MNS1: variants seen among roughly 807,000 people sequenced by gnomAD.
The protein encoded by MNS1 is meiosis specific nuclear structural 1.
Under a neutral mutation model 72.0 loss-of-function variants are expected in MNS1, and 63 were observed. The ratio of observed to expected loss-of-function variants is 0.87; its 90% CI spans 0.71 to 1.08. MNS1 has a LOEUF of 1.08. Ranked by LOEUF, MNS1 falls within the 50% of genes least tolerant of loss-of-function variation. The pLI is 0.00. For missense variants in MNS1, 604 were observed against 562.4 expected (o/e 1.07, Z -0.75); for synonymous variants, 188 against 172.1 (o/e 1.09, Z -0.72).
In MNS1 at chr15:56,434,178, T is replaced by G; in HGVS notation, c.1229A>C (p.Lys410Thr). Residue 410 changes from lysine to threonine, a missense_variant, in exon 8 of 10, where the codon AAA (lysine) becomes ACA (threonine). By Grantham distance (78) the Lys-to-Thr change is moderately conservative. Coordinates refer to ENST00000260453, the MANE Select transcript of MNS1 (RefSeq NM_018365.4). ...KQLEHRRAVE[K>T]LIEERRQQFL... ...TTGTTGGCGACGCTCTTCAATAAGT[T>G]TTTCCACAGCCCTCCTGTGTTCCAG... 6.2e-7 allele frequency: 1 copy of G among 1,613,734 alleles called. No individual in the cohort carries two copies. The highest frequency in any genetic ancestry group is 1.1e-5 in the South Asian group (1 of 90,974).
chr15:56,438,143 G>A (rs1336271874), intron 7 of MNS1, among the ~76,000 whole-genome samples: 1 of 151,876 alleles, frequency 6.6e-6, no homozygotes, highest in African/African-American at 2.4e-5. Flanking sequence ...ACCAAAAAAG[G>A]GGCCACATTG....
intron 8 of MNS1, among the ~76,000 whole-genome samples, chr15:56,433,175 G>C (rs12910210): frequency 6.8e-6 from 1 of 147,690 alleles, no homozygotes; most frequent in Admixed American, 6.8e-5. Context: ...CTTTCCTTAG[G>C]ATGTCACCCA....
Position 56,443,762 on chromosome 15 carries a change from C to T in MNS1, c.779G>A (p.Arg260His), listed in dbSNP as rs753033368. The change falls in exon 6 of 10, where the codon CGT (arginine) becomes CAT (histidine). Residue 260 changes from arginine to histidine, a missense_variant. Arg to His is a conservative substitution (Grantham distance 29). Transcript: ENST00000260453. Reference sequence around the variant, plus strand: ...TCTGTTTTCTTCTTCCATCTCCTCACGTTTCTTTTTTCTCCAGAGAGCCTG... The same window carrying T: ...TCTGTTTTCTTCTTCCATCTCCTCATGTTTCTTTTTTCTCCAGAGAGCCTG... ...KEQALWRKKKREEMEEENRKI... is the reference protein window; with the variant it reads ...KEQALWRKKKHEEMEEENRKI... 6.8e-6 allele frequency: 11 copies of T among 1,613,096 alleles called. No individual in the cohort carries two copies. Among genetic ancestry groups the T allele is most frequent in the East Asian group, 4.5e-5 (2 of 44,848 alleles).
Position 56,443,846 on chromosome 15 carries a change from T to C in MNS1, c.695A>G (p.Gln232Arg). The C allele has an allele frequency of 6.3e-7, 1 of 1,596,950 alleles. No individual in the cohort carries two copies. The highest frequency in any genetic ancestry group is 8.5e-7 in the Non-Finnish European group (1 of 1,174,528). ...TGCATTCATTTTTTCTAACTTTTGT[T>C]GTTTTTCCCTGAAAAGCAATAACAA... ...KIYEEDQLEK[Q>R]QKLEKMNAMR... Residue 232 changes from glutamine to arginine, a missense_variant, in exon 6 of 10, where the codon CAA (glutamine) becomes CGA (arginine). Physicochemically the swap from Gln to Arg is conservative, Grantham distance 43. Transcript: ENST00000260453.
At chr15:56,431,227 G>T (rs1452126839) in intron 9 of MNS1, 146 bp downstream of exon 9, 1 of 801,748 alleles carries the variant, frequency 1.2e-6, no homozygotes, top group Non-Finnish European at 1.9e-6. Flanking sequence ...GCCCAGAGAG[G>T]TTCAGTGCCT....
intron 7 of MNS1, among the ~76,000 whole-genome samples, chr15:56,435,687 C>T (rs1439729090): frequency 2.0e-5 from 3 of 151,916 alleles, no homozygotes; most frequent in Admixed American, 2.0e-4. Context: ...ACTTAAAATT[C>T]CTCCAAAATA....
chr15:56,428,954 T>C lies in MNS1; in HGVS notation c.*147A>G, dbSNP rs1596245720. Reference sequence around the variant, plus strand: ...ATTAAAATTAATTTGTATCTGATAATTGTTTACAAGTTATGAAATTCAGTG... The same window carrying C: ...ATTAAAATTAATTTGTATCTGATAACTGTTTACAAGTTATGAAATTCAGTG... On this transcript the variant is annotated 3_prime_UTR_variant, in exon 10 of 10. Transcript: ENST00000260453. 2 of 563,590 alleles carry C rather than the reference T, an allele frequency of 3.5e-6. No homozygotes were observed. The highest frequency in any genetic ancestry group is 2.5e-5 in the South Asian group (1 of 40,584). 34.9% of individuals were successfully genotyped at this position (563,590 alleles called of 1,614,324 possible).
At chr15:56,447,191 A>G in intron 3 of MNS1, 2 of 314,430 alleles carry the variant, frequency 6.4e-6, no homozygotes, top group Non-Finnish European at 1.2e-5. Context: ...CTGTGTCAAT[A>G]CCACACTATC....
intron 7 of MNS1, among the ~76,000 whole-genome samples, chr15:56,441,996 G>A (rs957729255): frequency 6.6e-6 from 1 of 151,818 alleles, no homozygotes; most frequent in East Asian, 1.9e-4. Flanking sequence ...CTCCAACCTG[G>A]GCGACAGAGC....
chr15:56,435,735 T>C (rs954249515), intron 7 of MNS1, among the ~76,000 whole-genome samples: 1 of 151,944 alleles, frequency 6.6e-6, no homozygotes, highest in African/African-American at 2.4e-5. Flanking sequence ...GAAAATTCTA[T>C]CAAATATTTA....
chr15:56,464,911 G>T (rs1447795253), intron 1 of MNS1, 59 bp downstream of exon 1: 3 of 1,605,036 alleles, frequency 1.9e-6, no homozygotes, highest in Non-Finnish European at 2.6e-6. Flanking sequence ...GCAGATGAGC[G>T]CCAAACTAGA....
chr15:56,432,772 A>G, intron 8 of MNS1, among the ~76,000 whole-genome samples: 1 of 152,202 alleles, frequency 6.6e-6, no homozygotes, highest in East Asian at 1.9e-4. Context: ...GATGAGCTCC[A>G]ATCTGAAATA....
At chr15:56,463,518 TCACCCCTATAATCCC>T (rs1477656599) in intron 2 of MNS1, among the ~76,000 whole-genome samples, 10 of 152,278 alleles carry the variant, frequency 6.6e-5, no homozygotes, top group African/African-American at 2.4e-4. Flanking sequence ...GCGCGGTGGC[TCACCCCTATAATCCC>T]AGCACTTTGG....
intron 8 of MNS1, 103 bp downstream of exon 8, chr15:56,434,035 A>G: frequency 7.8e-7 from 1 of 1,279,334 alleles, no homozygotes; most frequent in Non-Finnish European, 1.1e-6. Flanking sequence ...ACATACTAAC[A>G]TTGTCTGGCA....
rs532440685 is a variant in MNS1 at position 56,451,949 on chromosome 15, C to T, written c.353+4445G>A. Among the ~76,000 whole-genome samples, 3 of 152,092 alleles carry T rather than the reference C, an allele frequency of 2.0e-5. No individual in the cohort carries two copies. In the East Asian group the frequency reaches 5.8e-4, roughly 29 times the overall value. ...GAAAATACTATGTATAAATTGATTC[C>T]TCTGAAAATCTGTTGATATTTTTAT... On this transcript the variant is annotated intron_variant, in intron 3 of 9. Coordinates refer to ENST00000260453, the MANE Select transcript of MNS1 (RefSeq NM_018365.4).
intron 2 of MNS1, 58 bp from the exon 3 acceptor site, chr15:56,456,579 G>A (rs557606121): frequency 6.4e-7 from 1 of 1,565,494 alleles, no homozygotes; most frequent in East Asian, 2.3e-5. Context: ...TTTTCATCAA[G>A]GTTGAATTTG....
chr15:56,459,801 A>C (rs1281201154), intron 2 of MNS1, among the ~76,000 whole-genome samples: 1 of 150,422 alleles, frequency 6.6e-6, no homozygotes, highest in African/African-American at 2.5e-5. Flanking sequence ...GACGAGCCTG[A>C]CCAACGTGGA....
Position 56,450,183 on chromosome 15 carries a change from C to T in MNS1, c.354-3240G>A, listed in dbSNP as rs570190447. On this transcript the variant is annotated intron_variant, in intron 3 of 9. Transcript: ENST00000260453. ...CAGTTATTTCAGATTAAGACCTACC[C>T]TTGAGGAACAGCCTTAACTATATGC... 1.5e-3 allele frequency among the ~76,000 whole-genome samples: 222 copies of T among 152,224 alleles called. 2 individuals are homozygous for T. The highest frequency in any genetic ancestry group is 2.3e-3 in the Non-Finnish European group (155 of 68,000).
At chr15:56,454,256 G>C (rs887459572) in intron 3 of MNS1, among the ~76,000 whole-genome samples, 2 of 151,988 alleles carry the variant, frequency 1.3e-5, no homozygotes, top group African/African-American at 4.8e-5. Context: ...ATATTTATGG[G>C]GTACATGAGA....
Sources: gnomAD v4.1 joint callset for allele counts (sites outside exome capture counted in the v4.1 genomes callset) on GRCh38, gnomAD v4.1.1 for gene constraint, MANE v1.5 for transcripts, NCBI Gene and HGNC (gene_info 2026-07-23, HGNC 2026-07-21) for gene names.